The following NAV2 variants were observed in gnomAD, a reference collection of about 807,000 sequenced individuals.
The protein encoded by NAV2 is helicase, APC down-regulated 1.
A neutral mutation model predicts 223.2 loss-of-function variants in NAV2; 54 were observed. The ratio of observed to expected loss-of-function variants is 0.24; its 90% CI spans 0.19 to 0.30. The LOEUF (loss-of-function observed/expected upper bound fraction) is 0.30. Among genes scored for constraint, NAV2 ranks in the 10% least tolerant of loss-of-function variants. The pLI, the probability that NAV2 is intolerant of heterozygous loss-of-function variation, is 1.00. For missense variants in NAV2, 2,806 were observed against 3,147.5 expected (o/e 0.89, Z 2.60); for synonymous variants, 1,279 against 1,239.3 (o/e 1.03, Z -0.67).
chr11:19,583,944 A>C (rs1218815498), intron 1 of NAV2, among the ~76,000 whole-genome samples: 4 of 152,236 alleles, frequency 2.6e-5, no homozygotes, highest in African/African-American at 9.6e-5. Context: ...ATAGTTTCAA[A>C]AGAAATGGTA....
chr11:20,056,725 A>G lies in NAV2; in HGVS notation c.4831+768A>G, dbSNP rs999695364. 3.8e-6 allele frequency: 3 copies of G among 799,154 alleles called. 1 individual carries two copies. The highest frequency in any genetic ancestry group is 2.8e-5 in the South Asian group (2 of 70,224). 49.5% of individuals were successfully genotyped at this position (799,154 alleles called of 1,614,324 possible). On this transcript the variant is annotated intron_variant, in intron 19 of 37. Transcript: ENST00000349880. The stretch of plus-strand genomic sequence containing the variant: ...GCGGCAATGCTCATTAACCAATGAT[A>G]AGAATAGGAGTCAGACTAGCAGAGT...
Position 19,933,529 on chromosome 11 carries a change from C to T in NAV2, c.1285C>T (p.Arg429Trp), listed in dbSNP as rs751970337. The stretch of plus-strand genomic sequence containing the variant: ...GGGGTCCCGGGACACAAGCTGTGAG[C>T]GGCTGGAGACTCTGCCCAGCTTCGA... Reference protein sequence around the residue: ...GPGSRDTSCERLETLPSFEES... With the variant: ...GPGSRDTSCEWLETLPSFEES... The change falls in exon 7 of 38, where the codon CGG (arginine) becomes TGG (tryptophan). Residue 429 changes from arginine (R) to tryptophan (W), a missense_variant. Arg to Trp is a moderately radical substitution (Grantham distance 101). Coordinates refer to ENST00000349880, the MANE Select transcript of NAV2 (RefSeq NM_145117.5). The surrounding 1 kb of genome is among the most constrained non-coding windows in gnomAD (Gnocchi z 4.3). 5.0e-5 allele frequency: 81 copies of T among 1,608,988 alleles called. 1 individual carries two copies. The highest frequency in any genetic ancestry group is 1.3e-4 in the South Asian group (12 of 90,610).
intron 1 of NAV2, among the ~76,000 whole-genome samples, chr11:19,450,367 C>T (rs1476844566): frequency 2.0e-5 from 3 of 152,164 alleles, no homozygotes; most frequent in African/African-American, 7.2e-5. Flanking sequence ...AAGACCAGCT[C>T]CTTGAGCCAT....
intron 1 of NAV2, among the ~76,000 whole-genome samples, chr11:19,680,127 G>A (rs2048842495): frequency 6.6e-6 from 1 of 152,206 alleles, no homozygotes; most frequent in African/African-American, 2.4e-5. Context: ...TGGAACATCA[G>A]GCTTGGGGGT....
intron 1 of NAV2, among the ~76,000 whole-genome samples, chr11:19,750,348 A>G (rs1320756146): frequency 1.3e-5 from 2 of 152,150 alleles, no homozygotes; most frequent in East Asian, 1.9e-4. Flanking sequence ...ACTTATACAC[A>G]TCTTTTTCTC....
chr11:19,827,876 C>A, intron 1 of NAV2, among the ~76,000 whole-genome samples: 1 of 151,870 alleles, frequency 6.6e-6, no homozygotes, highest in East Asian at 1.9e-4. Flanking sequence ...ATTCTGCGAG[C>A]CCACGCCCAG....
At chr11:19,669,587 T>C (rs957227987) in intron 1 of NAV2, among the ~76,000 whole-genome samples, 3 of 152,238 alleles carry the variant, frequency 2.0e-5, no homozygotes, top group African/African-American at 4.8e-5. Flanking sequence ...AGGTTAGGCA[T>C]TGGGTACCAT....
rs574860572 is a variant in NAV2, at chr11:19,688,016, A to G, written c.76-144468A>G. Among the ~76,000 whole-genome samples, 6 of 152,294 alleles carry G rather than the reference A, an allele frequency of 3.9e-5. No homozygotes were observed. In the East Asian group the frequency reaches 9.7e-4, roughly 25 times the overall value. Reference sequence around the variant, plus strand: ...TGCTACAGACTCTAGCACTGCAATCATGCCTGCTAGGGGATCTGTCTTCTG... The same window carrying G: ...TGCTACAGACTCTAGCACTGCAATCGTGCCTGCTAGGGGATCTGTCTTCTG... On this transcript the variant is annotated intron_variant, in intron 1 of 37. Coordinates refer to the NAV2 transcript ENST00000360655.
intron 1 of NAV2, among the ~76,000 whole-genome samples, chr11:19,561,668 T>G (rs1468462804): frequency 6.6e-6 from 1 of 152,226 alleles, no homozygotes; most frequent in Non-Finnish European, 1.5e-5. Context: ...GATCCCAAAT[T>G]CCATAGCCTG....
At chr11:19,784,451 T>TATA (rs1048189682) in intron 1 of NAV2, among the ~76,000 whole-genome samples, 1 of 148,098 alleles carries the variant, frequency 6.8e-6, no homozygotes, top group African/African-American at 2.5e-5. Context: ...ATGAATATTG[T>TATA]ATAATAATAA....
Position 19,532,358 on chromosome 11 carries a change from T to C in NAV2, c.75+181331T>C, listed in dbSNP as rs532797041. Among the ~76,000 whole-genome samples the C allele has an allele frequency of 2.0e-5, 3 of 152,294 alleles. No individual in the cohort carries two copies. The South Asian group carries it at 6.2e-4, about 32-fold the overall frequency. On this transcript the variant is annotated intron_variant, in intron 1 of 37. Coordinates refer to the NAV2 transcript ENST00000360655. Reference sequence around the variant, plus strand: ...CTGGACTGTTTTCTCATCAGTAATATGCAAGTATAATGTCTACTCTATCAT... The same window carrying C: ...CTGGACTGTTTTCTCATCAGTAATACGCAAGTATAATGTCTACTCTATCAT...
intron 11 of NAV2, among the ~76,000 whole-genome samples, chr11:20,025,832 A>G (rs1254873367): frequency 2.0e-5 from 3 of 152,210 alleles, no homozygotes; most frequent in Non-Finnish European, 4.4e-5. Flanking sequence ...TTCTTACACT[A>G]GAACTTAATC....
At chr11:20,082,908 A>G in intron 25 of NAV2, 99 bp from the exon 26 acceptor site, 3 of 1,161,982 alleles carry the variant, frequency 2.6e-6, no homozygotes, top group Non-Finnish European at 3.6e-6. Context: ...GGGGAAAAAC[A>G]TGGGAGAATT....
At chr11:19,656,891 GA>G (rs1285314542) in intron 1 of NAV2, among the ~76,000 whole-genome samples, 1 of 152,118 alleles carries the variant, frequency 6.6e-6, no homozygotes, top group Non-Finnish European at 1.5e-5. Context: ...TGTGTGAGGG[GA>G]AAAAAGAATC....
intron 1 of NAV2, among the ~76,000 whole-genome samples, chr11:19,683,205 G>T (rs1266387203): frequency 6.6e-6 from 1 of 152,194 alleles, no homozygotes; most frequent in Non-Finnish European, 1.5e-5. Context: ...GTCATCAGTG[G>T]CCTTCTTCTG....
intron 1 of NAV2, among the ~76,000 whole-genome samples, chr11:19,727,524 C>T (rs1329297596): frequency 2.6e-5 from 4 of 152,364 alleles, no homozygotes; most frequent in African/African-American, 9.6e-5. Context: ...TTGTCTAATG[C>T]TCAGGGAAGC....
At chr11:20,110,697 C>T (rs1464572553) in intron 36 of NAV2, among the ~76,000 whole-genome samples, 1 of 152,112 alleles carries the variant, frequency 6.6e-6, no homozygotes, top group African/African-American at 2.4e-5. Flanking sequence ...GAGTGGAGTT[C>T]TCCCTATGAT....
chr11:19,889,983 A>G (rs1469125658), intron 5 of NAV2, among the ~76,000 whole-genome samples: 3 of 152,142 alleles, frequency 2.0e-5, no homozygotes. Flanking sequence ...TTATCCAAGT[A>G]TTTCTTGTGC....
chr11:19,897,886 T>TATA lies in NAV2; in HGVS notation c.931+5292_931+5293insATA, dbSNP rs1555129987. ...GCCACAGCTGTGCCTGACCTGTGATTTATATATATATATATATATGTGAGC... is the reference window on the plus strand; with the variant it reads ...GCCACAGCTGTGCCTGACCTGTGATTATATATATATATATATATATATGTGAGC... On this transcript the variant is annotated intron_variant, in intron 6 of 37. Transcript: ENST00000349880. Among the ~76,000 whole-genome samples the TATA allele has an allele frequency of 7.5e-5, 9 of 120,660 alleles. 1 individual carries two copies. The highest frequency in any genetic ancestry group is 3.0e-4 in the African/African-American group (9 of 29,632). The allele number at this position is 120,660 out of a possible 152,430, so 79.2% of individuals were successfully genotyped here.
Sources: gnomAD v4.1 joint callset for allele counts (sites outside exome capture counted in the v4.1 genomes callset) on GRCh38, gnomAD v4.1.1 for gene constraint, Gnocchi (gnomAD v3.1) non-coding constraint, MANE v1.5 for transcripts, NCBI Gene and HGNC (gene_info 2026-07-23, HGNC 2026-07-21) for gene names.